Variants in NOS1 observed in about 807,000 individuals in gnomAD.
NOS1 encodes the protein nitric oxide synthase 1.
Under a neutral mutation model 164.5 loss-of-function variants are expected in NOS1, and 51 were observed. That is an observed-to-expected ratio of 0.31 (90% CI 0.25 to 0.39). NOS1 has a LOEUF of 0.39. Among genes scored for constraint, NOS1 ranks in the 10% least tolerant of loss-of-function variants. The probability of loss-of-function intolerance (pLI) is 1.00; values close to 1 mark genes in which losing one functional copy is unlikely to be tolerated. For synonymous variants in NOS1, 719 were observed against 745.8 expected, an observed-to-expected ratio of 0.96 and a Z score of 0.59; for missense variants, 1,362 against 1,885.6, an observed-to-expected ratio of 0.72 and a Z score of 5.14.
Position 117,247,507 on chromosome 12 carries a change from G to A in NOS1, c.2664C>T (p.Gly888=), listed in dbSNP as rs986722215. The change falls in exon 18 of 29, where the codon GGC becomes GGT. Residue 888 remains glycine (G), a synonymous_variant. Transcript: ENST00000317775. ...PLANVRFSVF[G]LGSRAYPHFC... ...AGTGAGGGTATGCTCGTGAGCCGAG[G>A]CCAAAAACTGAGAACCTGTCAAGGA... is the stretch of plus-strand genomic sequence containing the variant. The A allele has an allele frequency of 1.2e-6, 2 of 1,608,812 alleles. No homozygotes were observed. Among genetic ancestry groups the A allele is most frequent in the Middle Eastern group, 1.7e-4 (1 of 6,046 alleles).
At chr12:117,299,601 C>T (rs1182660986) in intron 3 of NOS1, among the ~76,000 whole-genome samples, 1 of 147,804 alleles carries the variant, frequency 6.8e-6, no homozygotes, top group Non-Finnish European at 1.5e-5. Context: ...ATCGCGCCAC[C>T]GCACTCCAGC....
intron 21 of NOS1, 145 bp from the exon 22 acceptor site, chr12:117,232,276 C>T: frequency 1.5e-6 from 1 of 645,552 alleles, no homozygotes; most frequent in Non-Finnish European, 2.6e-6. Context: ...CTCCACCTTC[C>T]ATGCCCAGAA....
chr12:117,214,101 G>C lies in NOS1; in HGVS notation c.*1208C>G, dbSNP rs987069881. The C allele has an allele frequency of 1.6e-5, 16 of 985,252 alleles. No homozygotes were observed. In the South Asian group the frequency reaches 7.0e-4, roughly 43 times the overall value. 61.0% of individuals were successfully genotyped at this position (985,252 alleles called of 1,614,324 possible). On this transcript the variant is annotated 3_prime_UTR_variant, in exon 29 of 29. Transcript: ENST00000317775. ...GGCTCCTATCGAAGAAGCCACGTGG[G>C]ACCTCATTATGGCAACTCTTTCCAA... is the stretch of plus-strand genomic sequence containing the variant.
chr12:117,301,930 T>C, intron 3 of NOS1: 1 of 449,024 alleles, frequency 2.2e-6, no homozygotes, highest in South Asian at 1.6e-5. Flanking sequence ...ACCCCAACAT[T>C]TGTTGAGCAT....
At chr12:117,281,073 G>C (rs1592983615) in intron 7 of NOS1, among the ~76,000 whole-genome samples, 1 of 152,172 alleles carries the variant, frequency 6.6e-6, no homozygotes, top group East Asian at 1.9e-4. Context: ...GAGGAAAACG[G>C]TGGAGGGGGT....
chr12:117,213,765 C>T lies in NOS1; in HGVS notation c.*1544G>A, dbSNP rs929833659. On this transcript the variant is annotated 3_prime_UTR_variant, in exon 29 of 29. Coordinates refer to ENST00000317775, the MANE Select transcript of NOS1 (RefSeq NM_000620.5). ...AACATTCCCTTTCCATCCTTGGGGA[C>T]CCTGCAGTCTGGGAGGCCACTAGGA... The T allele has an allele frequency of 4.2e-5, 41 of 985,280 alleles. No homozygotes were observed. Among genetic ancestry groups the T allele is most frequent in the Admixed American group, 2.5e-4 (4 of 16,264 alleles). The allele number at this position is 985,280 out of a possible 1,614,324, so 61.0% of individuals were successfully genotyped here.
chr12:117,249,941 C>T (rs1870956557), intron 17 of NOS1, among the ~76,000 whole-genome samples: 1 of 152,176 alleles, frequency 6.6e-6, no homozygotes, highest in African/African-American at 2.4e-5. Flanking sequence ...CCTTGCCCCA[C>T]TTTTTAAGGT....
chr12:117,329,689 C>A (rs1875432676), intron 2 of NOS1, among the ~76,000 whole-genome samples: 2 of 152,172 alleles, frequency 1.3e-5, no homozygotes, highest in Admixed American at 1.3e-4. Context: ...ATTAATCTGG[C>A]AAACACAGAG....
intron 4 of NOS1, among the ~76,000 whole-genome samples, chr12:117,289,077 T>C (rs1469797912): frequency 6.6e-6 from 1 of 152,226 alleles, no homozygotes; most frequent in Non-Finnish European, 1.5e-5. Context: ...TTTGTTACAT[T>C]GTAATAGCTT....
intron 26 of NOS1, among the ~76,000 whole-genome samples, chr12:117,221,130 TTTTA>T (rs200373619): frequency 0.052 from 7,634 of 146,052 alleles, 421 homozygotes; most frequent in African/African-American, 0.14. Flanking sequence ...TTAAATTTAT[TTTTA>T]TTTATTTATT....
chr12:117,352,573 T>C (rs927489439), intron 1 of NOS1, among the ~76,000 whole-genome samples: 9 of 152,148 alleles, frequency 5.9e-5, no homozygotes, highest in African/African-American at 2.2e-4. Context: ...CAGCCGTAAA[T>C]GACATTGTCA....
Position 117,214,184 on chromosome 12 carries a change from C to T in NOS1, c.*1125G>A, listed in dbSNP as rs760703603. ...ATCCCCAAGGGTGAAGCAGCAAGCC[C>T]GCTTTGGGGGAATAAAAAAATAATA... is the stretch of plus-strand genomic sequence containing the variant. On this transcript the variant is annotated 3_prime_UTR_variant, in exon 29 of 29. Transcript: ENST00000317775. The T allele has an allele frequency of 1.5e-5, 15 of 985,216 alleles. No homozygotes were observed. Among genetic ancestry groups the T allele is most frequent in the African/African-American group, 1.7e-5 (1 of 57,202 alleles). The allele number at this position is 985,216 out of a possible 1,614,324, so 61.0% of individuals were successfully genotyped here.
chr12:117,297,871 T>G (rs1873532056), intron 3 of NOS1, among the ~76,000 whole-genome samples: 1 of 151,882 alleles, frequency 6.6e-6, no homozygotes, highest in Admixed American at 6.6e-5. Flanking sequence ...AGCCTCACAG[T>G]GAAACCAGGA....
chr12:117,294,590 G>A (rs1211942404), intron 3 of NOS1, among the ~76,000 whole-genome samples: 2 of 152,148 alleles, frequency 1.3e-5, no homozygotes, highest in East Asian at 1.9e-4. Flanking sequence ...GGGGAGAAAC[G>A]GGGAGATTAA....
chr12:117,285,162 G>A, intron 7 of NOS1, 79 bp downstream of exon 7: 2 of 820,302 alleles, frequency 2.4e-6, no homozygotes, highest in South Asian at 2.2e-5. Context: ...CCTGGCAGGT[G>A]AGCTGACTCC....
chr12:117,250,088 G>A (rs897336813), intron 17 of NOS1, among the ~76,000 whole-genome samples: 11 of 152,034 alleles, frequency 7.2e-5, no homozygotes, highest in African/African-American at 2.7e-4. Flanking sequence ...AGATTGAGAT[G>A]GGAAGGAAGG....
intron 16 of NOS1, among the ~76,000 whole-genome samples, chr12:117,257,246 G>A (rs1286477063): frequency 6.6e-6 from 1 of 151,684 alleles, no homozygotes; most frequent in Non-Finnish European, 1.5e-5. Context: ...ACCATGCCCA[G>A]CTAATTTTTA....
chr12:117,255,795 G>T, intron 16 of NOS1: 1 of 430,270 alleles, frequency 2.3e-6, no homozygotes, highest in East Asian at 3.6e-5. Context: ...CTTGCTCAAG[G>T]TCACTTAGTG....
At position 117,214,128 on chromosome 12, in the gene NOS1, C is replaced by G. The variant is rs1956568253; in HGVS notation, c.*1181G>C. The G allele has an allele frequency of 1.0e-6, 1 of 985,306 alleles. No homozygotes were observed. The highest frequency in any genetic ancestry group is 1.7e-5 in the African/African-American group (1 of 57,230). 61.0% of individuals were successfully genotyped at this position (985,306 alleles called of 1,614,324 possible). On this transcript the variant is annotated 3_prime_UTR_variant, in exon 29 of 29. Coordinates refer to ENST00000317775, the MANE Select transcript of NOS1 (RefSeq NM_000620.5). ...CCTCATTATGGCAACTCTTTCCAAC[C>G]TCATCCACTTTAACCAGCTTCCATT...
Sources: allele counts gnomAD v4.1 joint callset (sites outside exome capture counted in the v4.1 genomes callset), GRCh38; gene constraint gnomAD v4.1.1; transcripts MANE v1.5; gene names NCBI Gene and HGNC (gene_info 2026-07-23, HGNC 2026-07-21).